DLG2: variants seen among roughly 807,000 people sequenced by gnomAD.
The protein encoded by DLG2 is disks large homolog 2.
In DLG2, 45 loss-of-function variants were observed where a neutral mutation model predicts 132.5. The ratio of observed to expected loss-of-function variants is 0.34; its 90% CI spans 0.27 to 0.44. The LOEUF (loss-of-function observed/expected upper bound fraction) is 0.44, where lower values mean the gene tolerates loss of function less well. DLG2 is among the 20% of genes least tolerant of loss of function. The pLI is 1.00. For synonymous variants in DLG2, 424 were observed against 419.6 expected, an observed-to-expected ratio of 1.01 and a Z score of -0.13; for missense variants, 1,045 against 1,196.9, an observed-to-expected ratio of 0.87 and a Z score of 1.87.
intron 8 of DLG2, among the ~76,000 whole-genome samples, chr11:84,229,829 G>A (rs1254725169): frequency 6.6e-6 from 1 of 152,176 alleles, no homozygotes; most frequent in African/African-American, 2.4e-5. Context: ...AATGGTGGTT[G>A]TGAGGATCAA....
At chr11:84,143,450 TTAAGC>T (rs2094940715) in intron 9 of DLG2, among the ~76,000 whole-genome samples, 1 of 152,174 alleles carries the variant, frequency 6.6e-6, no homozygotes. Context: ...CATTTTTAAT[TTAAGC>T]TAAGTCTATA....
intron 4 of DLG2, among the ~76,000 whole-genome samples, chr11:85,176,848 T>C (rs1013354877): frequency 2.6e-5 from 4 of 151,882 alleles, no homozygotes; most frequent in African/African-American, 9.7e-5. Flanking sequence ...CCAACAAATA[T>C]ATGAAAAAAA....
At chr11:84,812,172 T>C (rs2076630675) in intron 6 of DLG2, among the ~76,000 whole-genome samples, 1 of 152,184 alleles carries the variant, frequency 6.6e-6, no homozygotes, top group Non-Finnish European at 1.5e-5. Flanking sequence ...TAAATTAAGT[T>C]GAATTAAATT....
At chr11:84,622,009 A>T (rs575217007) in intron 6 of DLG2, among the ~76,000 whole-genome samples, 14 of 152,284 alleles carry the variant, frequency 9.2e-5, no homozygotes, top group African/African-American at 3.1e-4. Flanking sequence ...TGGACTCCTT[A>T]AGGGTCAGTA....
At chr11:84,154,355 A>G (rs2095377423) in intron 9 of DLG2, among the ~76,000 whole-genome samples, 1 of 152,212 alleles carries the variant, frequency 6.6e-6, no homozygotes, top group Non-Finnish European at 1.5e-5. Flanking sequence ...GAAATCATAT[A>G]AAGATACATA....
intron 21 of DLG2, among the ~76,000 whole-genome samples, chr11:83,510,907 A>G (rs1478183912): frequency 6.9e-6 from 1 of 145,724 alleles, no homozygotes; most frequent in African/African-American, 2.6e-5. Flanking sequence ...TGATAAAAGT[A>G]TATATCCTCA....
chr11:84,286,710 T>C (rs2097913635), intron 7 of DLG2, among the ~76,000 whole-genome samples: 1 of 152,128 alleles, frequency 6.6e-6, no homozygotes, highest in African/African-American at 2.4e-5. Context: ...CTAAGGGCCA[T>C]AATGGTCAAC....
At chr11:84,957,220 T>C (rs1299261903) in intron 6 of DLG2, among the ~76,000 whole-genome samples, 3 of 152,206 alleles carry the variant, frequency 2.0e-5, no homozygotes, top group Non-Finnish European at 4.4e-5. Flanking sequence ...CTCCAGAATC[T>C]GTCCTCTTAT....
chr11:84,156,451 G>T (rs2095431342), intron 9 of DLG2, among the ~76,000 whole-genome samples: 1 of 152,096 alleles, frequency 6.6e-6, no homozygotes, highest in African/African-American at 2.4e-5. Context: ...TTGCAAAGAT[G>T]CTAAAATGAC....
In DLG2 at chr11:84,316,381, G is replaced by T. The variant is rs558974760; in HGVS notation, c.520-65090C>A. Among the ~76,000 whole-genome samples the T allele has an allele frequency of 5.1e-4, 77 of 152,202 alleles. No individual in the cohort carries two copies. The Middle Eastern group carries it at 0.01, about 20-fold the overall frequency. ...GTATTATAAGAGTAAAATTAGAATA[G>T]CATACTTCAAATCACTGTTTTCTAT... is the stretch of plus-strand genomic sequence containing the variant. On this transcript the variant is annotated intron_variant, in intron 7 of 27. Coordinates refer to ENST00000376104, the MANE Select transcript of DLG2 (RefSeq NM_001142699.3).
At chr11:85,528,591 T>G (rs2074963827) in intron 3 of DLG2, among the ~76,000 whole-genome samples, 1 of 152,198 alleles carries the variant, frequency 6.6e-6, no homozygotes, top group South Asian at 2.1e-4. Flanking sequence ...AATCCTGAGT[T>G]GAATTTATGC....
chr11:84,107,629 G>C (rs575014509), intron 9 of DLG2, among the ~76,000 whole-genome samples: 1 of 152,178 alleles, frequency 6.6e-6, no homozygotes, highest in African/African-American at 2.4e-5. Flanking sequence ...CTCAGCCATG[G>C]GTAGGGGGAG....
intron 3 of DLG2, among the ~76,000 whole-genome samples, chr11:85,546,557 T>C (rs967824097): frequency 6.6e-6 from 1 of 152,208 alleles, no homozygotes; most frequent in Non-Finnish European, 1.5e-5. Context: ...TGTAATTTTC[T>C]GTGTCATTGA....
intron 6 of DLG2, among the ~76,000 whole-genome samples, chr11:84,668,904 T>C (rs1308715131): frequency 6.6e-6 from 1 of 152,146 alleles, no homozygotes; most frequent in East Asian, 1.9e-4. Flanking sequence ...TATTTGAGCA[T>C]CCACAATGTG....
At chr11:85,539,241 C>T (rs1222858910) in intron 3 of DLG2, among the ~76,000 whole-genome samples, 1 of 149,770 alleles carries the variant, frequency 6.7e-6, no homozygotes, top group African/African-American at 2.5e-5. Flanking sequence ...ACTGCTCGGT[C>T]ATCCTGACAC....
chr11:84,084,177 T>C (rs1027690998), intron 10 of DLG2, among the ~76,000 whole-genome samples: 8 of 152,144 alleles, frequency 5.3e-5, no homozygotes, highest in South Asian at 2.1e-4. Flanking sequence ...AGTTGTAGTA[T>C]TGTAGGCATG....
intron 3 of DLG2, among the ~76,000 whole-genome samples, chr11:85,508,871 CT>C (rs2093994777): frequency 6.6e-6 from 1 of 151,988 alleles, no homozygotes; most frequent in Non-Finnish European, 1.5e-5. Flanking sequence ...CATTTATTAA[CT>C]TGTTATCTAA....
chr11:84,561,984 G>A (rs2099429591), intron 6 of DLG2, among the ~76,000 whole-genome samples: 1 of 151,874 alleles, frequency 6.6e-6, no homozygotes, highest in South Asian at 2.1e-4. Flanking sequence ...TTATCAAAAT[G>A]TGACAAAATT....
At chr11:85,027,297 C>A (rs1325618332) in intron 6 of DLG2, among the ~76,000 whole-genome samples, 5 of 148,190 alleles carry the variant, frequency 3.4e-5, no homozygotes, top group South Asian at 2.2e-4. Context: ...AATAAGTTAA[C>A]ACCAGCAATG....
Sources: gnomAD v4.1 joint callset for allele counts (sites outside exome capture counted in the v4.1 genomes callset) on GRCh38, gnomAD v4.1.1 for gene constraint, MANE v1.5 for transcripts, NCBI Gene and HGNC (gene_info 2026-07-23, HGNC 2026-07-21) for gene names.